The following FECH variants were observed in gnomAD, a reference collection of about 807,000 sequenced individuals.
FECH encodes ferrochelatase, mitochondrial.
FECH carries 40 observed loss-of-function variants against 56.9 expected under a neutral mutation model. That is an observed-to-expected ratio of 0.70 (90% CI 0.55 to 0.92). The LOEUF (loss-of-function observed/expected upper bound fraction) is 0.92, where lower values mean the gene tolerates loss of function less well. FECH is among the 40% of genes least tolerant of loss of function. The pLI, the probability that FECH is intolerant of heterozygous loss-of-function variation, is 0.00. For missense variants in FECH, 431 were observed against 529.1 expected, an observed-to-expected ratio of 0.81 and a Z score of 1.82; for synonymous variants, 175 against 198.6, an observed-to-expected ratio of 0.88 and a Z score of 1.00.
At chr18:57,574,848 A>ATACC (rs1158394280) in intron 2 of FECH, among the ~76,000 whole-genome samples, 1 of 152,240 alleles carries the variant, frequency 6.6e-6, no homozygotes, top group Non-Finnish European at 1.5e-5. Flanking sequence ...TATAACTCAC[A>ATACC]TACCACAAAA....
At chr18:57,562,074 TTAG>T (rs1347346564) in intron 6 of FECH, among the ~76,000 whole-genome samples, 5 of 152,180 alleles carry the variant, frequency 3.3e-5, no homozygotes, top group Non-Finnish European at 5.9e-5. Context: ...AAAGAAGTTG[TTAG>T]TAGGGTTTTT....
Position 57,559,142 on chromosome 18 carries a change from TAC to T in FECH, c.804+1_804+2del. On this transcript the variant is annotated splice_donor_variant, in intron 7 of 10. Coordinates refer to ENST00000262093, the MANE Select transcript of FECH (RefSeq NM_000140.5). LOFTEE classifies it high-confidence loss of function. The stretch of plus-strand genomic sequence containing the variant: ...GGTCATCCCAGAAAATGTTCTTACT[TAC>T]AGACATGGGCAGTGAGTGAGCAGAA... 1 of 1,593,342 alleles carries T rather than the reference TAC, an allele frequency of 6.3e-7. No homozygotes were observed. Among genetic ancestry groups the T allele is most frequent in the Non-Finnish European group, 8.6e-7 (1 of 1,161,524 alleles).
At chr18:57,551,448 C>CAA in intron 9 of FECH, 74 bp from the exon 10 acceptor site, 1 of 1,162,600 alleles carries the variant, frequency 8.6e-7, no homozygotes, top group Middle Eastern at 2.5e-4. Flanking sequence ...GAAACTGCTA[C>CAA]AAAAAAATAA....
chr18:57,559,434 C>T (rs1192156822), intron 6 of FECH, among the ~76,000 whole-genome samples, 191 bp from the exon 7 acceptor site: 1 of 152,172 alleles, frequency 6.6e-6, no homozygotes, highest in African/African-American at 2.4e-5. Flanking sequence ...TGGATCATAA[C>T]AGTTTCAGGG....
Position 57,546,959 on chromosome 18 carries a change from CA to C in FECH, c.*3752del, listed in dbSNP as rs1245302687. Among the ~76,000 whole-genome samples the C allele has an allele frequency of 3.8e-3, 426 of 112,926 alleles. 2 individuals carry two copies. Among genetic ancestry groups the C allele is most frequent in the Middle Eastern group, 0.032 (7 of 218 alleles). 74.1% of individuals were successfully genotyped at this position (112,926 alleles called of 152,430 possible). ...TGGGCAACAGAGCGAGACTCCATCT[CA>C]AAAAAAAAAAAAAAAAATTTAAGGA... On this transcript the variant is annotated 3_prime_UTR_variant, in exon 11 of 11. Coordinates refer to ENST00000262093, the MANE Select transcript of FECH (RefSeq NM_000140.5).
At chr18:57,583,739 C>T (rs1423929799) in intron 1 of FECH, among the ~76,000 whole-genome samples, 2 of 149,144 alleles carry the variant, frequency 1.3e-5, no homozygotes, top group Admixed American at 6.7e-5. Context: ...GGCGGGAGAA[C>T]TGCTTGGGCC....
intron 2 of FECH, among the ~76,000 whole-genome samples, chr18:57,573,996 T>C (rs2051151714): frequency 6.6e-6 from 1 of 152,242 alleles, no homozygotes; most frequent in Non-Finnish European, 1.5e-5. Flanking sequence ...GACTACTGAC[T>C]GAAATTAGTT....
At chr18:57,575,701 G>C (rs559748418) in intron 2 of FECH, among the ~76,000 whole-genome samples, 15 of 152,196 alleles carry the variant, frequency 9.9e-5, no homozygotes, top group Non-Finnish European at 2.1e-4. Flanking sequence ...TGAGATTACA[G>C]GTGTGAGCCA....
At chr18:57,558,084 C>T (rs1313347126) in intron 7 of FECH, among the ~76,000 whole-genome samples, 1 of 152,202 alleles carries the variant, frequency 6.6e-6, no homozygotes, top group Non-Finnish European at 1.5e-5. Context: ...GGCGGTAAGG[C>T]CCAGTTACAA....
At chr18:57,560,278 TACAA>T (rs1439024294) in intron 6 of FECH, among the ~76,000 whole-genome samples, 2 of 152,202 alleles carry the variant, frequency 1.3e-5, no homozygotes, top group Non-Finnish European at 2.9e-5. Flanking sequence ...ATCATGTTTA[TACAA>T]ACACAGACAC....
Position 57,550,690 on chromosome 18 carries a change from C to G in FECH, c.*22G>C. The stretch of plus-strand genomic sequence containing the variant: ...CTGGAGGTTGGGCATTTGCCTAACG[C>G]CACGGGGTCCACCGGCGGGGGTCAC... On this transcript the variant is annotated 3_prime_UTR_variant, in exon 11 of 11. Coordinates refer to ENST00000262093, the MANE Select transcript of FECH (RefSeq NM_000140.5). The G allele has an allele frequency of 6.2e-7, 1 of 1,613,948 alleles. No individual in the cohort carries two copies. Among genetic ancestry groups the G allele is most frequent in the East Asian group, 2.2e-5 (1 of 44,874 alleles).
chr18:57,559,648 T>C (rs1310572831), intron 6 of FECH, among the ~76,000 whole-genome samples: 1 of 152,226 alleles, frequency 6.6e-6, no homozygotes, highest in Non-Finnish European at 1.5e-5. Flanking sequence ...CCTCCTTAGT[T>C]TGGCTTTCAG....
chr18:57,563,063 A>C lies in FECH; in HGVS notation c.599-83T>G, dbSNP rs962737094. ...CAGACTCGTAAAGGTAGTATATATA[A>C]GTTCAAAGCAGGTAACTGCTTCTTT... is the stretch of plus-strand genomic sequence containing the variant. On this transcript the variant is annotated intron_variant, in intron 5 of 10. Transcript: ENST00000262093. 1.0e-5 allele frequency: 11 copies of C among 1,081,020 alleles called. No individual in the cohort carries two copies. The African/African-American group carries it at 1.6e-4, about 15-fold the overall frequency. 67.0% of individuals were successfully genotyped at this position (1,081,020 alleles called of 1,614,324 possible).
intron 1 of FECH, among the ~76,000 whole-genome samples, chr18:57,582,911 CA>C (rs1219189568): frequency 1.3e-3 from 178 of 133,170 alleles, no homozygotes; most frequent in Admixed American, 1.3e-3. Flanking sequence ...GACTCCATCT[CA>C]AAAAAAAAAA....
chr18:57,571,731 C>T (rs1479025993), intron 3 of FECH, 191 bp from the exon 4 acceptor site: 1 of 716,556 alleles, frequency 1.4e-6, no homozygotes, highest in East Asian at 2.9e-5. Flanking sequence ...TAAAGCTATA[C>T]CCTCTCTGAG....
At chr18:57,571,359 A>G in intron 4 of FECH, 33 bp downstream of exon 4, 2 of 1,607,482 alleles carry the variant, frequency 1.2e-6, no homozygotes, top group Non-Finnish European at 1.7e-6. Context: ...GAAAGAACTA[A>G]TCTAGTTACA....
intron 5 of FECH, among the ~76,000 whole-genome samples, chr18:57,563,795 T>C (rs1350406769): frequency 1.3e-5 from 2 of 152,188 alleles, no homozygotes; most frequent in East Asian, 1.9e-4. Flanking sequence ...TTAATACATA[T>C]GCAATTCTGC....
rs1449360770 is a variant in FECH, at chr18:57,573,327, C to G, written c.233G>C (p.Gly78Ala). The change falls in exon 3 of 11, where the codon GGC (glycine) becomes GCC (alanine). Residue 78 changes from glycine to alanine, a missense_variant. Gly to Ala is a moderately conservative substitution (Grantham distance 60). Coordinates refer to ENST00000262093, the MANE Select transcript of FECH (RefSeq NM_000140.5). Reference sequence around the variant, plus strand: ...GTGAACATCTCCAAGAGTTTCAGGGCCTCCCATGTTTAGCATTAATATTCC... The same window carrying G: ...GTGAACATCTCCAAGAGTTTCAGGGGCTCCCATGTTTAGCATTAATATTCC... ...KTGILMLNMGGPETLGDVHDF... is the reference protein window; with the variant it reads ...KTGILMLNMGAPETLGDVHDF... 8.1e-6 allele frequency: 13 copies of G among 1,614,022 alleles called. No homozygotes were observed. Among genetic ancestry groups the G allele is most frequent in the Non-Finnish European group, 1.1e-5 (13 of 1,179,952 alleles).
At chr18:57,564,636 A>G (rs1007639350) in intron 5 of FECH, among the ~76,000 whole-genome samples, 1 of 152,196 alleles carries the variant, frequency 6.6e-6, no homozygotes, top group African/African-American at 2.4e-5. Context: ...AACAGGTTCA[A>G]TTTTGGTGAG....
Sources: gnomAD v4.1 joint callset for allele counts (sites outside exome capture counted in the v4.1 genomes callset) on GRCh38, gnomAD v4.1.1 for gene constraint, MANE v1.5 for transcripts, NCBI Gene and HGNC (gene_info 2026-07-23, HGNC 2026-07-21) for gene names.